Variants in FKBP4 observed in about 807,000 individuals in gnomAD.
FKBP4 encodes peptidyl-prolyl cis-trans isomerase FKBP4.
Under a neutral mutation model 54.1 loss-of-function variants are expected in FKBP4, and 28 were observed. That is an observed-to-expected ratio of 0.52 (90% CI 0.38 to 0.71). The LOEUF is 0.71. Ranked by LOEUF, FKBP4 falls within the 30% of genes least tolerant of loss-of-function variation. FKBP4 has a pLI of 0.00. For synonymous variants in FKBP4, 223 were observed against 216.1 expected (o/e 1.03, Z -0.28); for missense variants, 493 against 574.4 (o/e 0.86, Z 1.45).
At position 2,798,226 on chromosome 12, in the gene FKBP4, A is replaced by G. The variant is rs2097902942; in HGVS notation, c.393+355A>G. On this transcript the variant is annotated intron_variant, in intron 3 of 9. Transcript: ENST00000001008. The surrounding 1 kb of genome is among the most constrained non-coding windows in gnomAD (Gnocchi z 4.3). ...ATATTGGTGCTCTAGAGACCAGAAG[A>G]GGGAGCAGTAGCTCCCCTGTGGGTC... Among the ~76,000 whole-genome samples the G allele has an allele frequency of 6.6e-6, 1 of 152,234 alleles. No individual in the cohort carries two copies. Among genetic ancestry groups the G allele is most frequent in the African/African-American group, 2.4e-5 (1 of 41,460 alleles).
rs1245858562 is a variant in FKBP4 at position 2,805,030 on chromosome 12, G to A, written c.*1772G>A. The A allele has an allele frequency of 2.5e-5, 8 of 315,452 alleles. No homozygotes were observed. Among genetic ancestry groups the A allele is most frequent in the Non-Finnish European group, 3.7e-5 (6 of 160,024 alleles). The allele number at this position is 315,452 out of a possible 1,614,324, so 19.5% of individuals were successfully genotyped here. On this transcript the variant is annotated 3_prime_UTR_variant, in exon 10 of 10. Coordinates refer to ENST00000001008, the MANE Select transcript of FKBP4 (RefSeq NM_002014.4). ...TATTTCAAAAGTAGTAGATTCTTAC[G>A]CCTGCAGCCAACAATAATCACTAAC... is the stretch of plus-strand genomic sequence containing the variant.
rs1419815070 is a variant in FKBP4, at chr12:2,804,281, T to C, written c.*1023T>C. 1 of 152,252 alleles carries C rather than the reference T, an allele frequency of 6.6e-6. No homozygotes were observed. Among genetic ancestry groups the C allele is most frequent in the Non-Finnish European group, 1.5e-5 (1 of 68,046 alleles). The allele number at this position is 152,252 out of a possible 1,614,324, so 9.4% of individuals were successfully genotyped here. On this transcript the variant is annotated 3_prime_UTR_variant, in exon 10 of 10. Coordinates refer to ENST00000001008, the MANE Select transcript of FKBP4 (RefSeq NM_002014.4). The stretch of plus-strand genomic sequence containing the variant: ...AAAGATCTAGAAGACTGGGACACCA[T>C]GCATGTTCATTTTGAAGTTGGAATT...
intron 9 of FKBP4, chr12:2,801,590 A>T: frequency 1.6e-6 from 1 of 633,668 alleles, no homozygotes; most frequent in East Asian, 3.3e-5. Flanking sequence ...GTAATTCCCG[A>T]TTTATGTTTT....
intron 9 of FKBP4, 190 bp downstream of exon 9, chr12:2,801,546 A>T (rs2097904785): frequency 2.5e-6 from 2 of 788,318 alleles, no homozygotes; most frequent in South Asian, 3.3e-5. Context: ...AAACCTACCC[A>T]CAAGCCCCAG....
chr12:2,797,696 C>G lies in FKBP4; in HGVS notation c.251-33C>G. 2.5e-6 allele frequency: 4 copies of G among 1,593,558 alleles called. No individual in the cohort carries two copies. In the South Asian group the frequency reaches 4.5e-5, roughly 18 times the overall value. On this transcript the variant is annotated intron_variant, in intron 2 of 9. Coordinates refer to ENST00000001008, the MANE Select transcript of FKBP4 (RefSeq NM_002014.4). Reference sequence around the variant, plus strand: ...GTTTGAGCCCAGAATCAGAACCCTGCTAAGGCGGTCCTGTTTGCTTCTGTA... The same window carrying G: ...GTTTGAGCCCAGAATCAGAACCCTGGTAAGGCGGTCCTGTTTGCTTCTGTA...
At chr12:2,801,757 AAAAG>A in intron 9 of FKBP4, 1 of 359,730 alleles carries the variant, frequency 2.8e-6, no homozygotes, top group Non-Finnish European at 5.5e-6. Flanking sequence ...CCATCTCAAA[AAAAG>A]AAAAGCGAGA....
At position 2,805,401 on chromosome 12, in the gene FKBP4, C is replaced by G. The variant is rs1457845600; in HGVS notation, c.*2143C>G. ...TTAGTTTATGTAACATTAAAACTGT[C>G]TAGTGAGGATGTTTTGTTAAAATGC... On this transcript the variant is annotated 3_prime_UTR_variant, in exon 10 of 10. Transcript: ENST00000001008. The G allele has an allele frequency of 7.2e-6, 2 of 279,306 alleles. No individual in the cohort carries two copies. Among genetic ancestry groups the G allele is most frequent in the Non-Finnish European group, 1.4e-5 (2 of 141,758 alleles). The allele number at this position is 279,306 out of a possible 1,614,324, so 17.3% of individuals were successfully genotyped here.
At position 2,797,167 on chromosome 12, in the gene FKBP4, G is replaced by C. The variant is rs2097902316; in HGVS notation, c.135G>C (p.Glu45Asp). 6.2e-7 allele frequency: 1 copy of C among 1,613,116 alleles called. No individual in the cohort carries two copies. The change falls in exon 2 of 10, where the codon GAG (glutamate) becomes GAC (aspartate). Residue 45 changes from glutamate to aspartate, a missense_variant. By Grantham distance (45) the Glu-to-Asp change is conservative. Coordinates refer to ENST00000001008, the MANE Select transcript of FKBP4 (RefSeq NM_002014.4). ...TCAAGAGAGAGGGCACAGGTACAGAGATGCCCATGATTGGGGACCGAGTCT... is the reference window on the plus strand; with the variant it reads ...TCAAGAGAGAGGGCACAGGTACAGACATGCCCATGATTGGGGACCGAGTCT... ...KVIKREGTGT[E>D]MPMIGDRVFV...
Position 2,798,028 on chromosome 12 carries a change from C to CT in FKBP4, c.393+158dup, listed in dbSNP as rs1250676107. ...AGAAATGCAGAGGGCTCTGCTGCTG[C>CT]TAGTAATGGAAGTAATAGAAGCTTC... On this transcript the variant is annotated intron_variant, in intron 3 of 9. Coordinates refer to ENST00000001008, the MANE Select transcript of FKBP4 (RefSeq NM_002014.4). The surrounding 1 kb of genome is among the most constrained non-coding windows in gnomAD (Gnocchi z 4.3). Among the ~76,000 whole-genome samples, 2 of 152,150 alleles carry CT rather than the reference C, an allele frequency of 1.3e-5. No individual in the cohort carries two copies. Among genetic ancestry groups the CT allele is most frequent in the Admixed American group, 1.3e-4 (2 of 15,284 alleles).
At chr12:2,796,835 C>T (rs2097902125) in intron 1 of FKBP4, 1 of 1,163,914 alleles carries the variant, frequency 8.6e-7, no homozygotes, top group Admixed American at 4.3e-5. Context: ...GGATTATCAT[C>T]ACTGCTTTAC....
Position 2,804,062 on chromosome 12 carries a change from G to GC in FKBP4, c.*804_*805insC, listed in dbSNP as rs35667665. 0.46 allele frequency: 70,418 copies of GC among 152,490 alleles called. 17,905 individuals carry two copies. The highest frequency in any genetic ancestry group is 0.68 in the African/African-American group (28,338 of 41,444). The allele number at this position is 152,490 out of a possible 1,614,324, so 9.4% of individuals were successfully genotyped here. A position where few individuals can be genotyped will look rare whatever the true frequency, so the allele number is the denominator to read the frequency against. ...TAGTTCCAGTTGAGCTTAAATAAGT[G>GC]AGCATCTCATGTAGATGCCATAGTT... On this transcript the variant is annotated 3_prime_UTR_variant, in exon 10 of 10. Transcript: ENST00000001008.
intron 3 of FKBP4, 103 bp downstream of exon 3, chr12:2,797,974 C>A: frequency 2.1e-6 from 3 of 1,422,580 alleles, no homozygotes; most frequent in Non-Finnish European, 9.6e-7. Flanking sequence ...ACAATGTAGC[C>A]AAGGCTGAGG....
chr12:2,797,145 A>G lies in FKBP4; in HGVS notation c.113A>G (p.Lys38Arg), dbSNP rs754666683. The change falls in exon 2 of 10, where the codon AAG becomes AGG. Residue 38 changes from lysine (K) to arginine (R), a missense_variant. By Grantham distance (26) the Lys-to-Arg change is conservative. Coordinates refer to ENST00000001008, the MANE Select transcript of FKBP4 (RefSeq NM_002014.4). ...TCTCCCCCTTCCTCCCAGGTCATCA[A>G]GAGAGAGGGCACAGGTACAGAGATG... ...KQDEGVLKVI[K>R]REGTGTEMPM... 1.4e-5 allele frequency: 22 copies of G among 1,612,398 alleles called. No individual in the cohort carries two copies. Among genetic ancestry groups the G allele is most frequent in the Admixed American group, 8.3e-5 (5 of 60,002 alleles).
intron 1 of FKBP4, chr12:2,796,801 T>C (rs1245647198): frequency 1.4e-5 from 15 of 1,094,202 alleles, no homozygotes; most frequent in Non-Finnish European, 1.7e-5. Flanking sequence ...ACTGGTCTAA[T>C]CTTCCAACAA....
At chr12:2,801,806 T>TA in intron 9 of FKBP4, 1 of 332,044 alleles carries the variant, frequency 3.0e-6, no homozygotes. Context: ...ATAATACACT[T>TA]AGTTAAATTC....
At position 2,795,075 on chromosome 12, in the gene FKBP4, C is replaced by G; in HGVS notation, c.-65C>G. 9.4e-7 allele frequency: 1 copy of G among 1,066,518 alleles called. No individual in the cohort carries two copies. The highest frequency in any genetic ancestry group is 1.2e-6 in the Non-Finnish European group (1 of 829,984). 66.1% of individuals were successfully genotyped at this position (1,066,518 alleles called of 1,614,324 possible). The stretch of plus-strand genomic sequence containing the variant: ...CCGCACGCCCCGCAGGTAGCGCCCC[C>G]GCCCGCGGCCCAGAGTGCGCTCGCG... On this transcript the variant is annotated 5_prime_UTR_variant, in exon 1 of 10. Coordinates refer to ENST00000001008, the MANE Select transcript of FKBP4 (RefSeq NM_002014.4). This position sits in a 1 kb window ranked among gnomAD's most constrained non-coding sequence, Gnocchi z 4.3.
chr12:2,796,011 G>C (rs1009103068), intron 1 of FKBP4: 51 of 1,152,696 alleles, frequency 4.4e-5, no homozygotes, highest in Non-Finnish European at 5.3e-5. Flanking sequence ...GCCTGCCGCC[G>C]AGTGACCGCT....
intron 1 of FKBP4, 182 bp from the exon 2 acceptor site, chr12:2,796,956 G>A (rs2097902196): frequency 7.2e-7 from 1 of 1,384,230 alleles, no homozygotes; most frequent in Non-Finnish European, 9.3e-7. Context: ...CCTCAAGAAA[G>A]ACAAGAAGGT....
At chr12:2,797,399 C>A in intron 2 of FKBP4, 117 bp downstream of exon 2, 4 of 1,174,686 alleles carry the variant, frequency 3.4e-6, no homozygotes, top group Non-Finnish European at 4.8e-6. Flanking sequence ...AGTCTGTTAA[C>A]TCTTTCGGTC....
Sources: gnomAD v4.1 joint callset for allele counts (sites outside exome capture counted in the v4.1 genomes callset) on GRCh38, gnomAD v4.1.1 for gene constraint, Gnocchi (gnomAD v3.1) non-coding constraint, MANE v1.5 for transcripts, NCBI Gene and HGNC (gene_info 2026-07-23, HGNC 2026-07-21) for gene names.